Variants in DOCK9 observed in about 807,000 individuals in gnomAD.
DOCK9 encodes dedicator of cytokinesis protein 9.
Under a neutral mutation model 263.3 loss-of-function variants are expected in DOCK9, and 89 were observed. That is an observed-to-expected ratio of 0.34 (90% CI 0.28 to 0.40). The LOEUF (loss-of-function observed/expected upper bound fraction) is 0.40. Among genes scored for constraint, DOCK9 ranks in the 10% least tolerant of loss-of-function variants. The probability of loss-of-function intolerance (pLI) is 1.00; values close to 1 mark genes in which losing one functional copy is unlikely to be tolerated. For missense variants in DOCK9, 2,140 were observed against 2,603.4 expected (o/e 0.82, Z 3.87); for synonymous variants, 976 against 973.1 (o/e 1.00, Z -0.06).
intron 1 of DOCK9, among the ~76,000 whole-genome samples, chr13:98,959,757 C>A (rs1165541520): frequency 1.3e-5 from 2 of 152,290 alleles, no homozygotes; most frequent in East Asian, 3.9e-4. Flanking sequence ...GGGGAGGAAA[C>A]TGAAGACAGA....
At chr13:98,915,642 G>C in intron 7 of DOCK9, 139 bp from the exon 8 acceptor site, 1 of 681,870 alleles carries the variant, frequency 1.5e-6, no homozygotes, top group Non-Finnish European at 2.3e-6. Context: ...CCCTCCTCAT[G>C]AAAGCCCCCC....
At chr13:98,994,370 A>G (rs1176981666) in intron 1 of DOCK9, among the ~76,000 whole-genome samples, 2 of 152,212 alleles carry the variant, frequency 1.3e-5, no homozygotes, top group East Asian at 1.9e-4. Flanking sequence ...TGACTTGCAG[A>G]AGGGGGGTTG....
rs147911938 is a variant in DOCK9, at chr13:98,794,181, T to A, written c.*445A>T. The A allele has an allele frequency of 1.3e-5, 2 of 155,914 alleles. No individual in the cohort carries two copies. Among genetic ancestry groups the A allele is most frequent in the African/African-American group, 4.8e-5 (2 of 41,696 alleles). 9.7% of individuals were successfully genotyped at this position (155,914 alleles called of 1,614,324 possible). Reference sequence around the variant, plus strand: ...ACTAGTCACAAAAATAGTTCTTGTATTCAACCTGAATGTGCCACAGGAAAA... The same window carrying A: ...ACTAGTCACAAAAATAGTTCTTGTAATCAACCTGAATGTGCCACAGGAAAA... On this transcript the variant is annotated 3_prime_UTR_variant, in exon 53 of 53. Coordinates refer to ENST00000682017, the MANE Select transcript of DOCK9 (RefSeq NM_001366683.2).
chr13:99,020,431 C>G (rs1309944168), intron 1 of DOCK9, among the ~76,000 whole-genome samples: 1 of 152,104 alleles, frequency 6.6e-6, no homozygotes. Flanking sequence ...CACAACCCCC[C>G]AGAAAGCCCG....
Position 99,003,259 on chromosome 13 carries a change from C to T in DOCK9, c.130-47708G>A, listed in dbSNP as rs370109297. Among the ~76,000 whole-genome samples, 184 of 152,320 alleles carry T rather than the reference C, an allele frequency of 1.2e-3. 2 individuals are homozygous for T. Among genetic ancestry groups the T allele is most frequent in the African/African-American group, 3.7e-3 (155 of 41,566 alleles). ...CACACTCAGACAGAGGTCTTCAAGC[C>T]GTTGGCATTTATTTCTTTAGCTAAG... On this transcript the variant is annotated intron_variant, in intron 1 of 32. Transcript: ENST00000427887.
chr13:98,912,946 C>T (rs2139824905), intron 9 of DOCK9, among the ~76,000 whole-genome samples: 1 of 152,316 alleles, frequency 6.6e-6, no homozygotes, highest in Admixed American at 6.5e-5. Flanking sequence ...AAAAGCAAAT[C>T]TCAATGCAAA....
At chr13:98,867,359 A>G (rs1566778056) in intron 30 of DOCK9, 66 bp downstream of exon 30, 4 of 916,904 alleles carry the variant, frequency 4.4e-6, no homozygotes, top group Admixed American at 2.4e-5. Flanking sequence ...TGAATCAATT[A>G]TCTTTTCTTA....
At chr13:99,051,519 A>G (rs2040694647) in intron 1 of DOCK9, among the ~76,000 whole-genome samples, 1 of 152,072 alleles carries the variant, frequency 6.6e-6, no homozygotes, top group Non-Finnish European at 1.5e-5. Flanking sequence ...TTTCATCCAA[A>G]CAGGAAAGAA....
intron 33 of DOCK9, 190 bp downstream of exon 33, chr13:98,860,215 G>T: frequency 7.0e-7 from 1 of 1,429,226 alleles, no homozygotes. Flanking sequence ...ACAGGCATCC[G>T]GGACCTTTAT....
intron 39 of DOCK9, among the ~76,000 whole-genome samples, chr13:98,832,547 T>C (rs975482073): frequency 1.1e-4 from 17 of 152,310 alleles, no homozygotes; most frequent in African/African-American, 4.1e-4. Flanking sequence ...TCATTCAAGA[T>C]TTCCTCATGT....
intron 1 of DOCK9, among the ~76,000 whole-genome samples, chr13:98,972,042 T>C (rs186872299): frequency 1.6e-4 from 25 of 152,340 alleles, no homozygotes; most frequent in African/African-American, 4.6e-4. Flanking sequence ...TGTTCATGAA[T>C]CGTGCATATG....
At chr13:98,851,597 G>A (rs1359138718) in intron 35 of DOCK9, among the ~76,000 whole-genome samples, 1 of 152,196 alleles carries the variant, frequency 6.6e-6, no homozygotes, top group Non-Finnish European at 1.5e-5. Context: ...TCTGTGAAGA[G>A]GGAAATGGCA....
At chr13:98,822,140 G>T (rs1427564452) in intron 45 of DOCK9, among the ~76,000 whole-genome samples, 1 of 152,188 alleles carries the variant, frequency 6.6e-6, no homozygotes, top group African/African-American at 2.4e-5. Flanking sequence ...ACCACAGATT[G>T]TCATGTACTA....
chr13:98,913,259 G>A (rs1179308315), intron 9 of DOCK9, among the ~76,000 whole-genome samples: 1 of 152,112 alleles, frequency 6.6e-6, no homozygotes, highest in Non-Finnish European at 1.5e-5. Flanking sequence ...GGTGTGGAGG[G>A]TCGCCATTTC....
Position 98,829,804 on chromosome 13 carries a change from G to A in DOCK9, c.4636-48C>T, listed in dbSNP as rs1235934656. 4.7e-6 allele frequency: 7 copies of A among 1,499,272 alleles called. No homozygotes were observed. Among genetic ancestry groups the A allele is most frequent in the Non-Finnish European group, 5.5e-6 (6 of 1,097,428 alleles). 92.9% of individuals were successfully genotyped at this position (1,499,272 alleles called of 1,614,324 possible). A position where few individuals can be genotyped will look rare whatever the true frequency, so the allele number is the denominator to read the frequency against. ...CAAATCAATTTACCTTCAAATGACT[G>A]CCCAGGCTGGGCTTCTGCGTTCAGT... On this transcript the variant is annotated intron_variant, in intron 41 of 52. Transcript: ENST00000682017. This position sits in a 1 kb window ranked among gnomAD's most constrained non-coding sequence, Gnocchi z 4.1.
intron 1 of DOCK9, among the ~76,000 whole-genome samples, chr13:99,067,672 G>C (rs74111947): frequency 3.9e-4 from 60 of 152,280 alleles, no homozygotes; most frequent in African/African-American, 1.3e-3. Flanking sequence ...CCACCCATAG[G>C]CACCAGGCCA....
At chr13:98,871,207 C>T (rs912879369) in intron 27 of DOCK9, among the ~76,000 whole-genome samples, 4 of 152,100 alleles carry the variant, frequency 2.6e-5, no homozygotes, top group African/African-American at 9.7e-5. Context: ...TAGCTGGGAA[C>T]GGCTTAAAAT....
At chr13:98,929,133 G>T (rs1161734115) in intron 3 of DOCK9, among the ~76,000 whole-genome samples, 1 of 152,056 alleles carries the variant, frequency 6.6e-6, no homozygotes, top group Admixed American at 6.5e-5. Flanking sequence ...AAATGAAGGT[G>T]CACTTAAAGA....
intron 27 of DOCK9, among the ~76,000 whole-genome samples, chr13:98,875,996 T>C (rs2043779248): frequency 6.6e-6 from 1 of 152,144 alleles, no homozygotes; most frequent in African/African-American, 2.4e-5. Flanking sequence ...CATGTAAATA[T>C]GCATTGAATG....
Sources: gnomAD v4.1 joint callset for allele counts (sites outside exome capture counted in the v4.1 genomes callset) on GRCh38, gnomAD v4.1.1 for gene constraint, Gnocchi (gnomAD v3.1) non-coding constraint, MANE v1.5 for transcripts, NCBI Gene and HGNC (gene_info 2026-07-23, HGNC 2026-07-21) for gene names.